DEPDC5: variants seen among roughly 807,000 people sequenced by gnomAD.
DEPDC5 encodes the protein DEP domain containing 5, GATOR1 subcomplex subunit.
In DEPDC5, 73 loss-of-function variants were observed where a neutral mutation model predicts 217.3. The ratio of observed to expected loss-of-function variants is 0.34; its 90% CI spans 0.28 to 0.41. The LOEUF is 0.41. Among genes scored for constraint, DEPDC5 ranks in the 10% least tolerant of loss-of-function variants. DEPDC5 has a pLI of 1.00. For synonymous variants in DEPDC5, 733 were observed against 756.7 expected (o/e 0.97, Z 0.51); for missense variants, 1,675 against 2,070.1 (o/e 0.81, Z 3.70).
At chr22:31,868,230 T>C (rs555700314) in intron 33 of DEPDC5, among the ~76,000 whole-genome samples, 2 of 151,982 alleles carry the variant, frequency 1.3e-5, no homozygotes, top group Non-Finnish European at 2.9e-5. Context: ...CAAGGGACAT[T>C]TGGTAATATC....
At chr22:31,864,060 T>A (rs1412496213) in intron 33 of DEPDC5, among the ~76,000 whole-genome samples, 1 of 152,076 alleles carries the variant, frequency 6.6e-6, no homozygotes, top group African/African-American at 2.4e-5. Flanking sequence ...TATTTTCTGA[T>A]GTGCAGCATA....
intron 38 of DEPDC5, among the ~76,000 whole-genome samples, chr22:31,888,247 T>TG (rs2093361344): frequency 7.3e-6 from 1 of 137,884 alleles, no homozygotes; most frequent in African/African-American, 2.7e-5. Flanking sequence ...GTGGTTTTTT[T>TG]TTTTTTTTTT....
Position 31,875,812 on chromosome 22 carries a change from TG to T in DEPDC5, c.3697-343del, listed in dbSNP as rs202110596. On this transcript the variant is annotated intron_variant, in intron 36 of 42. Coordinates refer to ENST00000651528, the MANE Select transcript of DEPDC5 (RefSeq NM_001242896.3). ...CCATACCAGCTAATTTTTGTATTTT[TG>T]GTAGAGATGGGATTTCACCATGTTG... 8.5e-3 allele frequency: 1,451 copies of T among 170,876 alleles called. 37 individuals carry two copies. The East Asian group carries it at 0.099, about 12-fold the overall frequency. The allele number at this position is 170,876 out of a possible 1,614,324, so 10.6% of individuals were successfully genotyped here.
At chr22:31,784,220 G>A (rs62238901) in intron 9 of DEPDC5, 2 of 334,156 alleles carry the variant, frequency 6.0e-6, no homozygotes, top group Non-Finnish European at 1.1e-5. Context: ...TAGCCTCTTA[G>A]TAGTGAGGCA....
intron 39 of DEPDC5, 150 bp downstream of exon 39, chr22:31,893,901 T>C: frequency 2.2e-6 from 2 of 918,526 alleles, no homozygotes; most frequent in Non-Finnish European, 3.0e-6. Flanking sequence ...TTAAAAAATT[T>C]AAACATAGTA....
At chr22:31,785,760 A>G (rs1467279242) in intron 10 of DEPDC5, among the ~76,000 whole-genome samples, 2 of 152,202 alleles carry the variant, frequency 1.3e-5, no homozygotes, top group African/African-American at 2.4e-5. Context: ...GGATAGATAT[A>G]TAGATCAATG....
chr22:31,791,955 T>C, intron 10 of DEPDC5, 78 bp from the exon 11 acceptor site: 1 of 380,936 alleles, frequency 2.6e-6, no homozygotes, highest in Non-Finnish European at 4.6e-6. Flanking sequence ...AAAAAAAGAA[T>C]ATTATATGCA....
chr22:31,895,799 G>A (rs1029974125), intron 39 of DEPDC5, among the ~76,000 whole-genome samples: 1 of 151,452 alleles, frequency 6.6e-6, no homozygotes, highest in Non-Finnish European at 1.5e-5. Context: ...CATGGCATTA[G>A]CATCTTCAAG....
intron 33 of DEPDC5, among the ~76,000 whole-genome samples, chr22:31,864,169 C>T (rs1212234480): frequency 4.0e-5 from 6 of 149,558 alleles, no homozygotes; most frequent in African/African-American, 7.4e-5. Flanking sequence ...AGTACAATGG[C>T]GCAGTCTCTG....
At chr22:31,843,924 C>G in intron 29 of DEPDC5, 112 bp downstream of exon 29, 1 of 1,130,974 alleles carries the variant, frequency 8.8e-7, no homozygotes, top group Non-Finnish European at 1.2e-6. Context: ...TTTTTTTTTT[C>G]TTTGTAAAGA....
rs2086903826 is a variant in DEPDC5, at chr22:31,801,917, G to A, written c.947-787G>A. Among the ~76,000 whole-genome samples the A allele has an allele frequency of 2.0e-5, 3 of 151,668 alleles. No individual in the cohort carries two copies. In the South Asian group the frequency reaches 6.2e-4, roughly 31 times the overall value. On this transcript the variant is annotated intron_variant, in intron 14 of 42. Coordinates refer to ENST00000651528, the MANE Select transcript of DEPDC5 (RefSeq NM_001242896.3). ...GATTTTTCATAGTAAGAATCATAGA[G>A]GCTAGAAATAAAAAGTGACTTGCCA...
Position 31,846,883 on chromosome 22 carries a change from A to G in DEPDC5, c.3071A>G (p.His1024Arg). 3.1e-6 allele frequency: 5 copies of G among 1,614,180 alleles called. No homozygotes were observed. Among genetic ancestry groups the G allele is most frequent in the Non-Finnish European group, 3.4e-6 (4 of 1,180,030 alleles). Residue 1024 changes from histidine to arginine, a missense_variant, in exon 31 of 43, where the codon CAT (histidine) becomes CGT (arginine). Coordinates refer to ENST00000651528, the MANE Select transcript of DEPDC5 (RefSeq NM_001242896.3). ...GLQMTGPIST[H>R]SLESTAPPVG... ...CAGATGACTGGGCCCATTTCCACGC[A>G]TTCTCTGGAGTCAACTGCACCCCCA...
intron 41 of DEPDC5, among the ~76,000 whole-genome samples, chr22:31,905,464 C>A (rs565231447): frequency 2.1e-4 from 32 of 151,562 alleles, no homozygotes; most frequent in Admixed American, 3.3e-4. Flanking sequence ...GGCAACAGTG[C>A]GAGATTCCCT....
intron 10 of DEPDC5, among the ~76,000 whole-genome samples, chr22:31,789,577 A>G (rs1458672999): frequency 6.6e-6 from 1 of 152,216 alleles, no homozygotes; most frequent in Admixed American, 6.6e-5. Context: ...TTGTGAATGT[A>G]TTAAATGTCA....
rs1261280021 is a variant in DEPDC5, at chr22:31,768,803, C to T, written c.364-11C>T. 6 of 1,612,222 alleles carry T rather than the reference C, an allele frequency of 3.7e-6. No individual in the cohort carries two copies. Among genetic ancestry groups the T allele is most frequent in the Non-Finnish European group, 4.2e-6 (5 of 1,179,100 alleles). On this transcript the variant is annotated splice_polypyrimidine_tract_variant and intron_variant, in intron 6 of 42. Coordinates refer to ENST00000651528, the MANE Select transcript of DEPDC5 (RefSeq NM_001242896.3). Reference sequence around the variant, plus strand: ...CTCCCTCTCTCTACCCCTCTCTCCCCCTCCTCTTAGGTCAGCACATGTGCC... The same window carrying T: ...CTCCCTCTCTCTACCCCTCTCTCCCTCTCCTCTTAGGTCAGCACATGTGCC...
At chr22:31,805,480 C>T (rs1008658288) in intron 17 of DEPDC5, among the ~76,000 whole-genome samples, 1 of 151,880 alleles carries the variant, frequency 6.6e-6, no homozygotes, top group Non-Finnish European at 1.5e-5. Context: ...GCATTCTATC[C>T]TTCTCTGGGT....
chr22:31,784,230 A>T (rs992679791), intron 9 of DEPDC5: 2 of 307,840 alleles, frequency 6.5e-6, no homozygotes, highest in South Asian at 9.3e-5. Flanking sequence ...GTAGTGAGGC[A>T]GATATTAAAT....
At chr22:31,771,715 T>TCACTCACACA (rs1439519983) in intron 7 of DEPDC5, among the ~76,000 whole-genome samples, 9 of 78,050 alleles carry the variant, frequency 1.2e-4, no homozygotes, top group Non-Finnish European at 2.1e-4. Context: ...CAAGACTCCG[T>TCACTCACACA]CACACACACA....
At chr22:31,805,038 C>G (rs915157459) in intron 17 of DEPDC5, 123 bp downstream of exon 17, 1 of 852,860 alleles carries the variant, frequency 1.2e-6, no homozygotes, top group African/African-American at 1.7e-5. Context: ...ATGTGGAAAC[C>G]AAGTTCTAAC....
Sources: allele counts gnomAD v4.1 joint callset (sites outside exome capture counted in the v4.1 genomes callset), GRCh38; gene constraint gnomAD v4.1.1; transcripts MANE v1.5; gene names NCBI Gene and HGNC (gene_info 2026-07-23, HGNC 2026-07-21).